RNF150: variants seen among roughly 807,000 people sequenced by gnomAD.
RNF150 encodes the protein ring finger protein 150.
A neutral mutation model predicts 39.3 loss-of-function variants in RNF150; 24 were observed. The observed-to-expected ratio is 0.61, with a 90% CI of 0.44 to 0.86. The LOEUF is 0.86. Ranked by LOEUF, RNF150 falls within the 40% of genes least tolerant of loss-of-function variation. The pLI, the probability that RNF150 is intolerant of heterozygous loss-of-function variation, is 0.00. For missense variants in RNF150, 502 were observed against 587.8 expected (o/e 0.85, Z 1.51); for synonymous variants, 255 against 227.3 (o/e 1.12, Z -1.10).
chr4:140,938,918 GCTGT>G (rs1238526705), intron 4 of RNF150, among the ~76,000 whole-genome samples: 1 of 152,190 alleles, frequency 6.6e-6, no homozygotes, highest in Non-Finnish European at 1.5e-5. Flanking sequence ...CAGAAAAGCA[GCTGT>G]CTGTCTGGTT....
At chr4:140,945,560 TATATAC>T (rs1390555328) in intron 4 of RNF150, among the ~76,000 whole-genome samples, 2 of 147,972 alleles carry the variant, frequency 1.4e-5, no homozygotes, top group African/African-American at 4.9e-5. Context: ...ACTACATATA[TATATAC>T]ATATATACAT....
At chr4:140,886,207 A>AG (rs935177716) in intron 6 of RNF150, among the ~76,000 whole-genome samples, 1 of 151,792 alleles carries the variant, frequency 6.6e-6, no homozygotes, top group African/African-American at 2.4e-5. Flanking sequence ...AAAAAAAAAA[A>AG]AAAAGAAAAG....
In RNF150 at chr4:141,074,547, C is replaced by T. The variant is rs141830291; in HGVS notation, c.484+57778G>A. Reference sequence around the variant, plus strand: ...TTAGCATCAGTAGGAGGTTCTACCACCCCTAGAGGACTAGAGTAATAAAAG... The same window carrying T: ...TTAGCATCAGTAGGAGGTTCTACCATCCCTAGAGGACTAGAGTAATAAAAG... On this transcript the variant is annotated intron_variant, in intron 1 of 6. Coordinates refer to ENST00000515673, the MANE Select transcript of RNF150 (RefSeq NM_020724.2). Among the ~76,000 whole-genome samples the T allele has an allele frequency of 3.9e-5, 6 of 152,198 alleles. No homozygotes were observed. In the East Asian group the frequency reaches 1.2e-3, roughly 29 times the overall value.
At chr4:140,877,962 G>A (rs144066828) in intron 6 of RNF150, among the ~76,000 whole-genome samples, 1 of 152,242 alleles carries the variant, frequency 6.6e-6, no homozygotes, top group Non-Finnish European at 1.5e-5. Flanking sequence ...TGACTTGCCT[G>A]TGGCTTAGTG....
At chr4:140,878,164 GTTTT>G (rs58338048) in intron 6 of RNF150, among the ~76,000 whole-genome samples, 1,808 of 90,464 alleles carry the variant, frequency 0.02, 36 homozygotes, top group African/African-American at 0.062. Flanking sequence ...ATCTCATTGT[GTTTT>G]TTTTTTTTTT....
At chr4:141,123,460 A>C (rs1726666200) in intron 1 of RNF150, among the ~76,000 whole-genome samples, 1 of 152,222 alleles carries the variant, frequency 6.6e-6, no homozygotes, top group Non-Finnish European at 1.5e-5. Context: ...AAGTAACTAG[A>C]ATTTCTATAC....
intron 6 of RNF150, among the ~76,000 whole-genome samples, chr4:140,878,899 T>C (rs1490869105): frequency 2.0e-5 from 3 of 152,222 alleles, no homozygotes; most frequent in Admixed American, 6.5e-5. Context: ...TAGATTTAGG[T>C]ATTTAATTCA....
At chr4:140,960,641 C>T (rs141036149) in intron 2 of RNF150, among the ~76,000 whole-genome samples, 47 of 152,182 alleles carry the variant, frequency 3.1e-4, no homozygotes, top group African/African-American at 1.1e-3. Flanking sequence ...TCAATCATGC[C>T]TACATGATGA....
intron 1 of RNF150, among the ~76,000 whole-genome samples, chr4:141,064,988 C>T (rs1195038369): frequency 6.6e-6 from 1 of 152,224 alleles, no homozygotes; most frequent in African/African-American, 2.4e-5. Flanking sequence ...GCCTCAGCCT[C>T]CCAAGTAGCT....
rs1358071666 is a variant in RNF150 at position 140,860,610 on chromosome 4, G to A, written c.*7651C>T. 1 of 152,098 alleles carries A rather than the reference G, an allele frequency of 6.6e-6. No individual in the cohort carries two copies. Among genetic ancestry groups the A allele is most frequent in the Non-Finnish European group, 1.5e-5 (1 of 68,006 alleles). The allele number at this position is 152,098 out of a possible 1,614,324, so 9.4% of individuals were successfully genotyped here. A position where few individuals can be genotyped will look rare whatever the true frequency, so the allele number is the denominator to read the frequency against. ...TTACAACAAAAGCATTTTGTTGCAA[G>A]CATTTGTTTACAATAAAAGTAATTT... On this transcript the variant is annotated 3_prime_UTR_variant, in exon 7 of 7. Transcript: ENST00000515673.
chr4:141,098,364 C>A lies in RNF150; in HGVS notation c.484+33961G>T, dbSNP rs558224374. On this transcript the variant is annotated intron_variant, in intron 1 of 6. Transcript: ENST00000515673. The stretch of plus-strand genomic sequence containing the variant: ...GTGCTAGGGCAGGCCAGTCAGACAT[C>A]CCTGGGACAGTCCTGGCACACAAGC... Among the ~76,000 whole-genome samples, 4 of 152,326 alleles carry A rather than the reference C, an allele frequency of 2.6e-5. No homozygotes were observed. In the South Asian group the frequency reaches 8.3e-4, roughly 32 times the overall value.
intron 1 of RNF150, among the ~76,000 whole-genome samples, chr4:141,195,763 G>A (rs1728192079): frequency 1.3e-5 from 2 of 152,196 alleles, no homozygotes; most frequent in Non-Finnish European, 2.9e-5. Flanking sequence ...GACAAGGTTT[G>A]CAATCTGAGG....
chr4:140,925,014 C>T (rs1386550696), intron 5 of RNF150, among the ~76,000 whole-genome samples: 1 of 152,196 alleles, frequency 6.6e-6, no homozygotes, highest in Non-Finnish European at 1.5e-5. Flanking sequence ...GATCCTTCTT[C>T]AGTGACATCT....
chr4:141,130,446 T>C (rs1726864340), intron 1 of RNF150, among the ~76,000 whole-genome samples: 1 of 152,158 alleles, frequency 6.6e-6, no homozygotes, highest in Non-Finnish European at 1.5e-5. Flanking sequence ...CAAACTACAG[T>C]ATTACTAAAC....
chr4:141,191,802 A>T (rs1578789829), intron 1 of RNF150, among the ~76,000 whole-genome samples: 1 of 152,306 alleles, frequency 6.6e-6, no homozygotes, highest in Middle Eastern at 3.4e-3. Context: ...TGCCCATTGA[A>T]GGCTGATGGT....
chr4:141,193,256 G>A (rs1203879436), intron 1 of RNF150, among the ~76,000 whole-genome samples: 1 of 152,226 alleles, frequency 6.6e-6, no homozygotes. Flanking sequence ...ATAAATGTTT[G>A]CTGAATGAAT....
At chr4:140,899,131 T>C (rs538189628) in intron 6 of RNF150, among the ~76,000 whole-genome samples, 2 of 152,276 alleles carry the variant, frequency 1.3e-5, no homozygotes, top group South Asian at 4.1e-4. Context: ...TTCAAAACAT[T>C]GATCTTAGCA....
At chr4:140,930,243 C>A (rs1731575937) in intron 4 of RNF150, among the ~76,000 whole-genome samples, 2 of 152,224 alleles carry the variant, frequency 1.3e-5, no homozygotes, top group East Asian at 1.9e-4. Context: ...AGCATCAGCT[C>A]CTGCCAAGAG....
intron 1 of RNF150, among the ~76,000 whole-genome samples, chr4:141,180,078 T>G (rs184094532): frequency 3.9e-5 from 6 of 152,322 alleles, no homozygotes; most frequent in African/African-American, 1.4e-4. Flanking sequence ...TCTGACTGAT[T>G]GTTGTTTAAA....
Sources: gnomAD v4.1 joint callset for allele counts (sites outside exome capture counted in the v4.1 genomes callset) on GRCh38, gnomAD v4.1.1 for gene constraint, MANE v1.5 for transcripts, NCBI Gene and HGNC (gene_info 2026-07-23, HGNC 2026-07-21) for gene names.